CCER2: variants seen among roughly 807,000 people sequenced by gnomAD.
The protein encoded by CCER2 is coiled-coil glutamate rich protein 2.
A neutral mutation model predicts 27.1 loss-of-function variants in CCER2; 20 were observed. That is an observed-to-expected ratio of 0.74 (90% confidence interval 0.52 to 1.07). CCER2 has a LOEUF of 1.07. Ranked by LOEUF, CCER2 falls within the 50% of genes least tolerant of loss-of-function variation. CCER2 has a pLI of 0.00. For missense variants in CCER2, 351 were observed against 344.7 expected, an observed-to-expected ratio of 1.02 and a Z score of -0.14; for synonymous variants, 140 against 144.3, an observed-to-expected ratio of 0.97 and a Z score of 0.21.
rs1974293514 is a variant in CCER2 at position 38,910,869 on chromosome 19, GTCC to G, written c.402_404del (p.Glu134del). The stretch of plus-strand genomic sequence containing the variant: ...TCCTCTCCTCCTTCTCCTCCTCCTC[GTCC>G]TCCTCCTGGTGGAGCTGGCGATGCC... On this transcript the variant is annotated inframe_deletion, in exon 4 of 5. Transcript: ENST00000571838. 1 of 1,519,910 alleles carries G rather than the reference GTCC, an allele frequency of 6.6e-7. No individual in the cohort carries two copies. Among genetic ancestry groups the G allele is most frequent in the African/African-American group, 1.4e-5 (1 of 72,868 alleles). The allele number at this position is 1,519,910 out of a possible 1,614,324, so 94.2% of individuals were successfully genotyped here.
At position 38,911,945 on chromosome 19, in the gene CCER2, T is replaced by C. The variant is rs1974316646; in HGVS notation, c.62-93A>G. 12 of 1,498,100 alleles carry C rather than the reference T, an allele frequency of 8.0e-6. No homozygotes were observed. In the South Asian group the frequency reaches 1.5e-4, roughly 18 times the overall value. 92.8% of individuals were successfully genotyped at this position (1,498,100 alleles called of 1,614,324 possible). A position where few individuals can be genotyped will look rare whatever the true frequency, so the allele number is the denominator to read the frequency against. On this transcript the variant is annotated intron_variant, in intron 1 of 4. Transcript: ENST00000571838. ...CCATGGGCGTCCCGGTCCCCACACA[T>C]CCCCTCCCCATCCCACCCGGCGGGT...
rs1386826637 is a variant in CCER2 at position 38,911,836 on chromosome 19, C to T, written c.78G>A (p.Leu26=). The T allele has an allele frequency of 2.0e-6, 3 of 1,535,112 alleles. No individual in the cohort carries two copies. The highest frequency in any genetic ancestry group is 3.9e-5 in the Admixed American group (2 of 50,948). The stretch of plus-strand genomic sequence containing the variant: ...CCTCCTCCTTGGAGGGTCTCGGTGC[C>T]AAGGGAGCAGCGGTGGCTGTGGAGA... ...LLLGAATAAP[L]APRPSKEELT... The change falls in exon 2 of 5, where the codon TTG becomes TTA. Residue 26 remains leucine, a synonymous_variant. Transcript: ENST00000571838.
Position 38,911,046 on chromosome 19 carries a change from G to A in CCER2, c.228C>T (p.Thr76=), listed in dbSNP as rs79580467. The A allele has an allele frequency of 8.7e-4, 1,269 of 1,465,634 alleles. 10 individuals are homozygous for A. In the African/African-American group the frequency reaches 0.017, roughly 20 times the overall value. 90.8% of individuals were successfully genotyped at this position (1,465,634 alleles called of 1,614,324 possible). A position where few individuals can be genotyped will look rare whatever the true frequency, so the allele number is the denominator to read the frequency against. The change falls in exon 4 of 5, where the codon ACC becomes ACT. Residue 76 remains threonine (T), a synonymous_variant. Coordinates refer to ENST00000571838, the MANE Select transcript of CCER2 (RefSeq NM_001243212.2). The part of the protein sequence containing the change: ...CGTEPHGCAS[T]EEKGLLLGDF... ...CCCCAAGCAGCAGGCCTTTCTCCTCGGTGGACGCACAGCCGTGGGGCTCTG... is the reference window on the plus strand; with the variant it reads ...CCCCAAGCAGCAGGCCTTTCTCCTCAGTGGACGCACAGCCGTGGGGCTCTG...
At chr19:38,910,295 G>A (rs1446860875) in intron 4 of CCER2, among the ~76,000 whole-genome samples, 1 of 152,200 alleles carries the variant, frequency 6.6e-6, no homozygotes, top group Non-Finnish European at 1.5e-5. Context: ...TTTTCACAGT[G>A]GCCAACTTGC....
intron 4 of CCER2, among the ~76,000 whole-genome samples, chr19:38,910,336 T>C (rs1247921809): frequency 3.3e-5 from 5 of 152,206 alleles, no homozygotes; most frequent in Middle Eastern, 3.2e-3. Flanking sequence ...TGTGCAATGG[T>C]GCCATCTTGG....
chr19:38,911,188 C>G, intron 3 of CCER2, 105 bp from the exon 4 acceptor site: 1 of 1,186,358 alleles, frequency 8.4e-7, no homozygotes, highest in South Asian at 2.0e-5. Flanking sequence ...GCCGTGGCGG[C>G]CGATCACCTG....
rs566792338 is a variant in CCER2, at chr19:38,911,904, G to A, written c.62-52C>T. 3.5e-5 allele frequency: 53 copies of A among 1,530,822 alleles called. No homozygotes were observed. In the East Asian group the frequency reaches 9.3e-4, roughly 27 times the overall value. 94.8% of individuals were successfully genotyped at this position (1,530,822 alleles called of 1,614,324 possible). A position where few individuals can be genotyped will look rare whatever the true frequency, so the allele number is the denominator to read the frequency against. ...CTTTGCCGCCCTGGCTGCTGTCCCCGGTACCGACCCCAGCTCCATGGGCGT... is the reference window on the plus strand; with the variant it reads ...CTTTGCCGCCCTGGCTGCTGTCCCCAGTACCGACCCCAGCTCCATGGGCGT... On this transcript the variant is annotated intron_variant, in intron 1 of 4. Transcript: ENST00000571838.
At chr19:38,910,188 C>G (rs376150634) in intron 4 of CCER2, among the ~76,000 whole-genome samples, 1 of 152,180 alleles carries the variant, frequency 6.6e-6, no homozygotes, top group Non-Finnish European at 1.5e-5. Flanking sequence ...CACCCTGTTA[C>G]GGCACTTTTG....
At position 38,909,129 on chromosome 19, in the gene CCER2, CCT is replaced by C. The variant is rs913721298; in HGVS notation, c.*105_*106del. 3.1e-4 allele frequency: 377 copies of C among 1,233,776 alleles called. 1 individual carries two copies. The highest frequency in any genetic ancestry group is 4.1e-4 in the East Asian group (16 of 39,186). 76.4% of individuals were successfully genotyped at this position (1,233,776 alleles called of 1,614,324 possible). On this transcript the variant is annotated 3_prime_UTR_variant, in exon 5 of 5. Coordinates refer to ENST00000571838, the MANE Select transcript of CCER2 (RefSeq NM_001243212.2). ...GTTCCAAGGCACGTCCGCCTCCTCCCCTGTTTGGGTAGGGGTGGCGTGGGGTG... is the reference window on the plus strand; with the variant it reads ...GTTCCAAGGCACGTCCGCCTCCTCCCGTTTGGGTAGGGGTGGCGTGGGGTG...
Position 38,910,647 on chromosome 19 carries a change from G to A in CCER2, c.627C>T (p.Arg209=), listed in dbSNP as rs780274749. The A allele has an allele frequency of 1.2e-5, 19 of 1,531,478 alleles. No individual in the cohort carries two copies. The highest frequency in any genetic ancestry group is 3.6e-5 in the South Asian group (3 of 83,502). The allele number at this position is 1,531,478 out of a possible 1,614,324, so 94.9% of individuals were successfully genotyped here. A position where few individuals can be genotyped will look rare whatever the true frequency, so the allele number is the denominator to read the frequency against. The part of the protein sequence containing the change: ...QGAERGGGER[R]EDLPHHHHHH... ...GGTGGTGGTGGTGGGGCAAGTCCTC[G>A]CGCCTCTCTCCTCCGCCTCTCTCGG... The change falls in exon 4 of 5, where the codon CGC becomes CGT. Residue 209 remains arginine, a synonymous_variant. Coordinates refer to ENST00000571838, the MANE Select transcript of CCER2 (RefSeq NM_001243212.2).
intron 2 of CCER2, 73 bp from the exon 3 acceptor site, chr19:38,911,726 A>G: frequency 2.6e-6 from 4 of 1,525,646 alleles, no homozygotes; most frequent in Non-Finnish European, 3.5e-6. Flanking sequence ...AGCTGGTTTG[A>G]GGGCAATGAG....
intron 1 of CCER2, 25 bp from the exon 2 acceptor site, chr19:38,911,877 G>C (rs1379542606): frequency 1.3e-6 from 2 of 1,534,218 alleles, no homozygotes; most frequent in African/African-American, 2.7e-5. Context: ...GATGGCACTG[G>C]GCTTTGCCGC....
chr19:38,910,466 A>G, intron 4 of CCER2, 97 bp downstream of exon 4: 8 of 1,405,852 alleles, frequency 5.7e-6, no homozygotes, highest in Non-Finnish European at 2.8e-6. Flanking sequence ...CTGGTGGTGC[A>G]GGGCCAACAC....
chr19:38,911,109 C>T (rs1464309769), intron 3 of CCER2, 26 bp from the exon 4 acceptor site: 5 of 1,407,086 alleles, frequency 3.6e-6, no homozygotes, highest in East Asian at 2.6e-5. Context: ...AGGACACTCT[C>T]TAAGCATCCA....
chr19:38,911,201 G>C (rs937809549), intron 3 of CCER2, 118 bp from the exon 4 acceptor site: 21 of 1,105,834 alleles, frequency 1.9e-5, no homozygotes, highest in Non-Finnish European at 2.6e-5. Context: ...ATCACCTGAG[G>C]TCAGGAGTTT....
chr19:38,911,994 G>T (rs765464805), intron 1 of CCER2, 104 bp downstream of exon 1: 642 of 1,473,328 alleles, frequency 4.4e-4, no homozygotes, highest in Non-Finnish European at 5.6e-4. Context: ...CTGGAGGCTC[G>T]GCCCCTGAAG....
At position 38,911,657 on chromosome 19, in the gene CCER2, G is replaced by C; in HGVS notation, c.103-4C>G. The C allele has an allele frequency of 6.5e-7, 1 of 1,535,520 alleles. No homozygotes were observed. Among genetic ancestry groups the C allele is most frequent in the Non-Finnish European group, 8.7e-7 (1 of 1,146,712 alleles). The stretch of plus-strand genomic sequence containing the variant: ...CCTCTGCCAGACAGCGGGTCAGCTG[G>C]GGGGCAGGGGTGCCGGGTCAGAGGG... On this transcript the variant is annotated splice_region_variant and splice_polypyrimidine_tract_variant and intron_variant, in intron 2 of 4. Transcript: ENST00000571838.
In CCER2 at chr19:38,909,058, C is replaced by T; in HGVS notation, c.*178G>A. 2 of 933,106 alleles carry T rather than the reference C, an allele frequency of 2.1e-6. No homozygotes were observed. Among genetic ancestry groups the T allele is most frequent in the Middle Eastern group, 2.5e-4 (1 of 3,936 alleles). 57.8% of individuals were successfully genotyped at this position (933,106 alleles called of 1,614,324 possible). ...TGTGGGGGTGCTTCCTGTGTCAGGGCTGAGCCCAGCCCCCGGCCCAGCTCA... is the reference window on the plus strand; with the variant it reads ...TGTGGGGGTGCTTCCTGTGTCAGGGTTGAGCCCAGCCCCCGGCCCAGCTCA... On this transcript the variant is annotated 3_prime_UTR_variant, in exon 5 of 5. Transcript: ENST00000571838.
chr19:38,911,186 G>T, intron 3 of CCER2, 103 bp from the exon 4 acceptor site: 1 of 1,208,926 alleles, frequency 8.3e-7, no homozygotes. Flanking sequence ...AGGCCGTGGC[G>T]GCCGATCACC....
Sources: allele counts gnomAD v4.1 joint callset (sites outside exome capture counted in the v4.1 genomes callset), GRCh38; gene constraint gnomAD v4.1.1; transcripts MANE v1.5; gene names NCBI Gene and HGNC (gene_info 2026-07-23, HGNC 2026-07-21).